The following NRIP1 variants were observed in gnomAD, a reference collection of about 807,000 sequenced individuals.
The protein encoded by NRIP1 is nuclear receptor interacting protein 1.
A neutral mutation model predicts 75.0 loss-of-function variants in NRIP1; 28 were observed. The observed-to-expected ratio is 0.37, with a 90% CI of 0.28 to 0.51. NRIP1 has a LOEUF of 0.51. Among genes scored for constraint, NRIP1 ranks in the 20% least tolerant of loss-of-function variants. The pLI is 0.92. For synonymous variants in NRIP1, 526 were observed against 487.6 expected (o/e 1.08, Z -1.04); for missense variants, 1,435 against 1,343.7 (o/e 1.07, Z -1.06).
At chr21:15,038,903 G>A (rs1014289627) in intron 2 of NRIP1, among the ~76,000 whole-genome samples, 66 of 152,010 alleles carry the variant, frequency 4.3e-4, no homozygotes, top group African/African-American at 1.3e-3. Context: ...AGTAACGAAC[G>A]CAACAGAAAT....
intron 3 of NRIP1, among the ~76,000 whole-genome samples, chr21:14,969,886 GGAT>G (rs1325663092): frequency 2.0e-5 from 3 of 152,280 alleles, no homozygotes; most frequent in Non-Finnish European, 2.9e-5. Flanking sequence ...GTAAGGAGTA[GGAT>G]GAGAAGAGAC....
intron 3 of NRIP1, among the ~76,000 whole-genome samples, chr21:15,011,745 T>C (rs1241601365): frequency 1.3e-5 from 2 of 152,190 alleles, no homozygotes; most frequent in East Asian, 3.9e-4. Context: ...TATTCTCTGT[T>C]TTTGTATCAG....
At chr21:15,031,227 A>G (rs1483070826) in intron 2 of NRIP1, among the ~76,000 whole-genome samples, 1 of 142,146 alleles carries the variant, frequency 7.0e-6, no homozygotes, top group South Asian at 2.4e-4. Context: ...ATGTGTATAC[A>G]CTCTGGAAGG....
In NRIP1 at chr21:14,967,231, A is replaced by T; in HGVS notation, c.962T>A (p.Met321Lys). The T allele has an allele frequency of 1.2e-6, 2 of 1,614,014 alleles. No individual in the cohort carries two copies. The highest frequency in any genetic ancestry group is 2.2e-5 in the East Asian group (1 of 44,848). ...TGCCTGACCATTAAGATGGCTTGAC[A>T]TTCCTTTTGGGAGCTGGTAACTGCC... ...DVGSYQLPKGMSSHLNGQART... is the reference protein window; with the variant it reads ...DVGSYQLPKGKSSHLNGQART... Residue 321 changes from methionine (M) to lysine (K), a missense_variant, in exon 4 of 4, where the codon ATG (methionine) becomes AAG (lysine). Coordinates refer to ENST00000318948, the MANE Select transcript of NRIP1 (RefSeq NM_003489.4).
chr21:15,040,405 T>C lies in NRIP1; in HGVS notation c.-458+3090A>G, dbSNP rs73172396. Among the ~76,000 whole-genome samples the C allele has an allele frequency of 8.8e-3, 1,341 of 152,186 alleles. 8 individuals carry two copies. Among genetic ancestry groups the C allele is most frequent in the Non-Finnish European group, 0.015 (1,005 of 67,944 alleles). On this transcript the variant is annotated intron_variant, in intron 2 of 3. Transcript: ENST00000318948. ...ATACTTCTAGTGAACAGCACTGCTC[T>C]ATAGGAAAGACCTAGAAAAAGATTA...
chr21:14,997,287 G>C (rs980720102), intron 3 of NRIP1, among the ~76,000 whole-genome samples: 1 of 152,232 alleles, frequency 6.6e-6, no homozygotes, highest in African/African-American at 2.4e-5. Context: ...ATCATTTATT[G>C]TAATTCTAAA....
intron 3 of NRIP1, among the ~76,000 whole-genome samples, chr21:14,975,678 A>AG (rs1228727508): frequency 7.0e-6 from 1 of 142,372 alleles, no homozygotes. Context: ...AGAGAAAGAA[A>AG]GAAAGGGAGG....
intron 3 of NRIP1, among the ~76,000 whole-genome samples, chr21:15,003,564 T>C (rs2087896444): frequency 6.6e-6 from 1 of 152,204 alleles, no homozygotes; most frequent in Admixed American, 6.5e-5. Flanking sequence ...CTAAATGACC[T>C]AAAGCTTCCC....
At position 14,965,143 on chromosome 21, in the gene NRIP1, T is replaced by C. The variant is rs1167345933; in HGVS notation, c.3050A>G (p.His1017Arg). 1.2e-6 allele frequency: 2 copies of C among 1,613,070 alleles called. No homozygotes were observed. The highest frequency in any genetic ancestry group is 2.2e-5 in the South Asian group (2 of 91,080). Residue 1017 changes from histidine to arginine, a missense_variant, in exon 4 of 4, where the codon CAC becomes CGC. Coordinates refer to ENST00000318948, the MANE Select transcript of NRIP1 (RefSeq NM_003489.4). ...TGGTCTAGACCCTGCACAGCCCAAG[T>C]GCTCAGGGAAAGTAGGACTCACAGG... is the stretch of plus-strand genomic sequence containing the variant. ...KTPVSPTFPE[H>R]LGCAGSRPES...
chr21:15,003,586 G>T (rs2087896833), intron 3 of NRIP1, among the ~76,000 whole-genome samples: 1 of 152,102 alleles, frequency 6.6e-6, no homozygotes, highest in Admixed American at 6.6e-5. Context: ...CAAGTAGCAG[G>T]AGGCCCCTCC....
Position 14,965,459 on chromosome 21 carries a change from G to A in NRIP1, c.2734C>T (p.Pro912Ser). ...FSRNDLEFKY[P>S]AGHGSASESE... Reference sequence around the variant, plus strand: ...TCGCTGGCTGAGCCATGACCAGCAGGATATTTAAATTCAAGATCATTTCTG... The same window carrying A: ...TCGCTGGCTGAGCCATGACCAGCAGAATATTTAAATTCAAGATCATTTCTG... The change falls in exon 4 of 4, where the codon CCT (proline) becomes TCT (serine). Residue 912 changes from proline to serine, a missense_variant. Transcript: ENST00000318948. 6.2e-7 allele frequency: 1 copy of A among 1,613,840 alleles called. No individual in the cohort carries two copies.
chr21:14,978,855 G>A (rs62220714), intron 3 of NRIP1, among the ~76,000 whole-genome samples: 8 of 152,124 alleles, frequency 5.3e-5, no homozygotes, highest in Non-Finnish European at 1.2e-4. Flanking sequence ...TCTAGACAAA[G>A]GAGCTAGAGA....
Position 14,966,164 on chromosome 21 carries a change from T to G in NRIP1, c.2029A>C (p.Lys677Gln), listed in dbSNP as rs1389265642. 3 of 1,613,544 alleles carry G rather than the reference T, an allele frequency of 1.9e-6. No homozygotes were observed. The highest frequency in any genetic ancestry group is 2.5e-6 in the Non-Finnish European group (3 of 1,179,948). ...DRLNSPLLSN[K>Q]TNAVEENKAF... Reference sequence around the variant, plus strand: ...TTATTTTCTTCAACTGCATTTGTTTTATTTGAGAGCAAAGGGCTATTTAAT... The same window carrying G: ...TTATTTTCTTCAACTGCATTTGTTTGATTTGAGAGCAAAGGGCTATTTAAT... The change falls in exon 4 of 4, where the codon AAA becomes CAA. Residue 677 changes from lysine (K) to glutamine (Q), a missense_variant. By Grantham distance (53) the Lys-to-Gln change is moderately conservative (BLOSUM62 1). Coordinates refer to ENST00000318948, the MANE Select transcript of NRIP1 (RefSeq NM_003489.4).
intron 2 of NRIP1, among the ~76,000 whole-genome samples, chr21:15,027,712 T>G (rs2088554586): frequency 6.6e-6 from 1 of 152,178 alleles, no homozygotes; most frequent in South Asian, 2.1e-4. Context: ...TTACTTAACA[T>G]GAGAAATAGG....
chr21:14,965,569 T>C lies in NRIP1; in HGVS notation c.2624A>G (p.Asn875Ser). The part of the protein sequence containing the change: ...PLENPFKKMK[N>S]NIVDAANNHS... ...ATTGTTTGCAGCATCAACAATGTTG[T>C]TTTTCATCTTTTTAAATGGATTTTC... Residue 875 changes from asparagine to serine, a missense_variant, in exon 4 of 4, where the codon AAC becomes AGC. Transcript: ENST00000318948. The C allele has an allele frequency of 6.2e-7, 1 of 1,614,030 alleles. No individual in the cohort carries two copies. Among genetic ancestry groups the C allele is most frequent in the Non-Finnish European group, 8.5e-7 (1 of 1,179,960 alleles).
At chr21:15,056,342 T>C (rs1450655660) in intron 1 of NRIP1, among the ~76,000 whole-genome samples, 1 of 151,736 alleles carries the variant, frequency 6.6e-6, no homozygotes, top group African/African-American at 2.4e-5. Context: ...AGTCAAGTAT[T>C]ACCAGGATAG....
At chr21:15,038,630 C>T (rs944554519) in intron 2 of NRIP1, among the ~76,000 whole-genome samples, 10 of 151,962 alleles carry the variant, frequency 6.6e-5, no homozygotes, top group African/African-American at 2.4e-4. Flanking sequence ...TATTACCTTT[C>T]AAAGGGATGT....
chr21:15,028,166 C>T (rs933648021), intron 2 of NRIP1, among the ~76,000 whole-genome samples: 2 of 152,056 alleles, frequency 1.3e-5, no homozygotes, highest in African/African-American at 2.4e-5. Context: ...GTGATGCACA[C>T]GGATTGAAAA....
chr21:15,056,892 G>C (rs1568737508), intron 1 of NRIP1, among the ~76,000 whole-genome samples: 1 of 152,054 alleles, frequency 6.6e-6, no homozygotes, highest in Non-Finnish European at 1.5e-5. Flanking sequence ...AAAGGAGGTG[G>C]AGAAGCTCAT....
Sources: gnomAD v4.1 joint callset for allele counts (sites outside exome capture counted in the v4.1 genomes callset) on GRCh38, gnomAD v4.1.1 for gene constraint, MANE v1.5 for transcripts, NCBI Gene and HGNC (gene_info 2026-07-23, HGNC 2026-07-21) for gene names.